The following MIA3 variants were observed in gnomAD, a reference collection of about 807,000 sequenced individuals.
MIA3 encodes the protein MIA SH3 domain ER export factor 3, also known as transport and Golgi organization protein 1 homolog.
A neutral mutation model predicts 192.4 loss-of-function variants in MIA3; 90 were observed. The observed-to-expected ratio is 0.47, with a 90% CI of 0.39 to 0.56. The LOEUF is 0.56. Ranked by LOEUF, MIA3 falls within the 20% of genes least tolerant of loss-of-function variation. The pLI is 0.00. For synonymous variants in MIA3, 740 were observed against 792.8 expected (o/e 0.93, Z 1.12); for missense variants, 2,123 against 2,269.4 (o/e 0.94, Z 1.31).
At chr1:222,634,588 T>C (rs1483956386) in intron 6 of MIA3, among the ~76,000 whole-genome samples, 1 of 152,190 alleles carries the variant, frequency 6.6e-6, no homozygotes, top group African/African-American at 2.4e-5. Flanking sequence ...CTAGGCTTTT[T>C]AGGACTTAGC....
Position 222,659,647 on chromosome 1 carries a change from A to G in MIA3, c.4796A>G (p.His1599Arg), listed in dbSNP as rs1355228080. ...ATCGCTACCCATGAGAAGAAAGCTCATGAAAACTGGGTAAGATTTCTTTTT... is the reference window on the plus strand; with the variant it reads ...ATCGCTACCCATGAGAAGAAAGCTCGTGAAAACTGGGTAAGATTTCTTTTT... Reference protein sequence around the residue: ...NQIATHEKKAHENWLKARAAE... With the variant: ...NQIATHEKKARENWLKARAAE... The change falls in exon 21 of 28, where the codon CAT becomes CGT. Residue 1599 changes from histidine (H) to arginine (R), a missense_variant. Around this residue, in one of 3 missense-constraint regions of MIA3, gnomAD observed 762 missense variants for 856.4 expected, o/e 0.89. Coordinates refer to ENST00000344922, the MANE Select transcript of MIA3 (RefSeq NM_198551.4). 1.2e-6 allele frequency: 2 copies of G among 1,613,942 alleles called. No individual in the cohort carries two copies. Among genetic ancestry groups the G allele is most frequent in the African/African-American group, 2.7e-5 (2 of 74,932 alleles).
In MIA3 at chr1:222,653,210, CT is replaced by C; in HGVS notation, c.4210-14del. On this transcript the variant is annotated splice_polypyrimidine_tract_variant and intron_variant, in intron 14 of 27. Transcript: ENST00000344922. The stretch of plus-strand genomic sequence containing the variant: ...ATTAAATGGAAAGACTCTTAATGCC[CT>C]TTTACTTCTTTTCTAGGCTTTGACT... 1 of 1,603,218 alleles carries C rather than the reference CT, an allele frequency of 6.2e-7. No homozygotes were observed. Among genetic ancestry groups the C allele is most frequent in the Non-Finnish European group, 8.5e-7 (1 of 1,171,572 alleles).
chr1:222,628,074 C>G lies in MIA3; in HGVS notation c.854C>G (p.Ala285Gly). 3.1e-6 allele frequency: 5 copies of G among 1,614,036 alleles called. No homozygotes were observed. Among genetic ancestry groups the G allele is most frequent in the Non-Finnish European group, 4.2e-6 (5 of 1,180,016 alleles). The change falls in exon 4 of 28, where the codon GCA becomes GGA. Residue 285 changes from alanine (A) to glycine (G), a missense_variant. By Grantham distance (60) the Ala-to-Gly change is moderately conservative (BLOSUM62 0). This residue lies in a region of MIA3 where 1,357 missense variants were observed against 1,396.1 expected (regional missense o/e 0.97). Coordinates refer to ENST00000344922, the MANE Select transcript of MIA3 (RefSeq NM_198551.4). Reference protein sequence around the residue: ...LKTKFGSTADALVSDDETTRL... With the variant: ...LKTKFGSTADGLVSDDETTRL... ...ACCAAATTTGGCTCAACAGCTGATG[C>G]ACTTGTATCTGATGATGAGACAACC... is the stretch of plus-strand genomic sequence containing the variant.
Position 222,654,312 on chromosome 1 carries a change from T to TA in MIA3, c.4377+15dup. 1 of 1,613,762 alleles carries TA rather than the reference T, an allele frequency of 6.2e-7. No homozygotes were observed. Among genetic ancestry groups the TA allele is most frequent in the Non-Finnish European group, 8.5e-7 (1 of 1,179,750 alleles). ...GATGTCTCTCGGGTATAATCGTTTTTAGAGTCCCATAATTGCCTGTGAATA... is the reference window on the plus strand; with the variant it reads ...GATGTCTCTCGGGTATAATCGTTTTTAAGAGTCCCATAATTGCCTGTGAATA... On this transcript the variant is annotated intron_variant, in intron 16 of 27. Coordinates refer to ENST00000344922, the MANE Select transcript of MIA3 (RefSeq NM_198551.4).
intron 6 of MIA3, among the ~76,000 whole-genome samples, chr1:222,637,467 T>C (rs1356723760): frequency 6.6e-6 from 1 of 152,216 alleles, no homozygotes; most frequent in Non-Finnish European, 1.5e-5. Flanking sequence ...GATCAAGTAT[T>C]CTTTACACTG....
At chr1:222,624,948 G>T (rs1194049157) in intron 3 of MIA3, 94 bp downstream of exon 3, 6 of 615,218 alleles carry the variant, frequency 9.8e-6, no homozygotes, top group African/African-American at 5.7e-5. Context: ...ATTTAAATGA[G>T]ATTTTATCAT....
At chr1:222,622,711 C>T (rs199919818) in intron 2 of MIA3, among the ~76,000 whole-genome samples, 43 of 152,168 alleles carry the variant, frequency 2.8e-4, no homozygotes, top group Non-Finnish European at 5.9e-4. Flanking sequence ...ACCTAGGCTG[C>T]GTTTTTTCAT....
intron 15 of MIA3, among the ~76,000 whole-genome samples, chr1:222,653,620 T>G (rs1663557756): frequency 6.6e-6 from 1 of 152,224 alleles, no homozygotes; most frequent in Admixed American, 6.5e-5. Flanking sequence ...ACACATACAG[T>G]AGTAGAAACT....
intron 18 of MIA3, 87 bp downstream of exon 18, chr1:222,654,880 G>C: frequency 8.5e-7 from 1 of 1,177,236 alleles, no homozygotes; most frequent in African/African-American, 1.5e-5. Context: ...CGTTTTTCAG[G>C]ATTGTACTCT....
intron 18 of MIA3, among the ~76,000 whole-genome samples, chr1:222,655,631 C>T (rs989841130): frequency 6.6e-6 from 1 of 152,186 alleles, no homozygotes; most frequent in African/African-American, 2.4e-5. Context: ...ACCAGGCAGC[C>T]AGTTTAGATT....
At chr1:222,657,346 G>A (rs554709684) in intron 18 of MIA3, among the ~76,000 whole-genome samples, 2 of 152,150 alleles carry the variant, frequency 1.3e-5, no homozygotes, top group East Asian at 1.9e-4. Context: ...AACTCCCTCC[G>A]CTTCTTGTTT....
At chr1:222,622,858 A>G (rs1345568342) in intron 2 of MIA3, among the ~76,000 whole-genome samples, 2 of 152,148 alleles carry the variant, frequency 1.3e-5, no homozygotes, top group African/African-American at 4.8e-5. Context: ...TTTCTGGGTC[A>G]CACCTCTCAT....
At position 222,665,572 on chromosome 1, in the gene MIA3, CAG is replaced by C. The variant is rs749745864; in HGVS notation, c.5680_5681del (p.Ser1894HisfsTer2). The C allele has an allele frequency of 1.2e-5, 19 of 1,613,710 alleles. No homozygotes were observed. Among genetic ancestry groups the C allele is most frequent in the Non-Finnish European group, 1.4e-5 (17 of 1,179,824 alleles). ...GSRDEPPPASQSTSQDCSQAL... is the reference protein window; with the variant it reads ...GSRDEPPPASXSTSQDCSQAL... ...TAGAGATGAGCCTCCACCTGCCTCT[CAG>C]AGCACTAGCCAGGACTGTTCACAGG... On this transcript the variant is annotated frameshift_variant, in exon 28 of 28. Transcript: ENST00000344922. LOFTEE classifies it high-confidence loss of function.
rs549392381 is a variant in MIA3, at chr1:222,661,786, C to T, written c.5114-270C>T. Among the ~76,000 whole-genome samples, 27 of 152,250 alleles carry T rather than the reference C, an allele frequency of 1.8e-4. No homozygotes were observed. In the South Asian group the frequency reaches 5.2e-3, roughly 29 times the overall value. ...GATTACATATACACTGAACAAAAAT[C>T]ACCATGTAGAATACTGTACATGTAA... is the stretch of plus-strand genomic sequence containing the variant. On this transcript the variant is annotated intron_variant, in intron 24 of 27. Transcript: ENST00000344922.
chr1:222,624,754 A>C lies in MIA3; in HGVS notation c.268-14A>C, dbSNP rs758480502. The C allele has an allele frequency of 1.5e-6, 2 of 1,340,722 alleles. No individual in the cohort carries two copies. The highest frequency in any genetic ancestry group is 1.2e-5 in the South Asian group (1 of 84,170). The allele number at this position is 1,340,722 out of a possible 1,614,324, so 83.1% of individuals were successfully genotyped here. On this transcript the variant is annotated splice_polypyrimidine_tract_variant and intron_variant, in intron 2 of 27. Transcript: ENST00000344922. ...TGATTGATATGTGTCCCTTTTGCCC[A>C]TTCTTTTGTGTAGGTTGGACGCACT...
intron 15 of MIA3, 127 bp downstream of exon 15, chr1:222,653,466 G>A (rs1227082881): frequency 6.2e-6 from 4 of 649,014 alleles, no homozygotes; most frequent in Non-Finnish European, 2.8e-6. Context: ...ATTTGAATGT[G>A]TGTCTGTTTG....
intron 15 of MIA3, among the ~76,000 whole-genome samples, chr1:222,653,847 A>G (rs1472153025): frequency 6.6e-6 from 1 of 152,222 alleles, no homozygotes; most frequent in Admixed American, 6.5e-5. Flanking sequence ...TGCAGTGTTT[A>G]CTGATGAGGA....
intron 4 of MIA3, 74 bp downstream of exon 4, chr1:222,630,463 G>A: frequency 6.9e-7 from 1 of 1,446,778 alleles, no homozygotes; most frequent in Non-Finnish European, 9.3e-7. Flanking sequence ...CTCCTATCTT[G>A]TGAAGCTCTG....
intron 6 of MIA3, chr1:222,641,371 T>A (rs545008126): frequency 8.5e-6 from 3 of 352,006 alleles, no homozygotes; most frequent in African/African-American, 6.3e-5. Context: ...CAGGAAGCCA[T>A]GCCCAAGGGG....
Sources: gnomAD v4.1 joint callset for allele counts (sites outside exome capture counted in the v4.1 genomes callset) on GRCh38, gnomAD v4.1.1 for gene constraint, gnomAD v4.1.1 regional missense constraint, MANE v1.5 for transcripts, NCBI Gene and HGNC (gene_info 2026-07-23, HGNC 2026-07-21) for gene names.